The following USP8 variants were observed in gnomAD, a reference collection of about 807,000 sequenced individuals.
USP8 encodes the protein ubiquitin carboxyl-terminal hydrolase 8.
In USP8, 27 loss-of-function variants were observed where a neutral mutation model predicts 130.0. The observed-to-expected ratio is 0.21, with a 90% CI of 0.15 to 0.29. The LOEUF (loss-of-function observed/expected upper bound fraction) is 0.29. Ranked by LOEUF, USP8 falls within the 10% of genes least tolerant of loss-of-function variation. The probability of loss-of-function intolerance (pLI) is 1.00; values close to 1 mark genes in which losing one functional copy is unlikely to be tolerated. For synonymous variants in USP8, 392 were observed against 444.1 expected, an observed-to-expected ratio of 0.88 and a Z score of 1.48; for missense variants, 1,029 against 1,312.2, an observed-to-expected ratio of 0.78 and a Z score of 3.33.
chr15:50,424,874 G>C (rs140962862), intron 1 of USP8, among the ~76,000 whole-genome samples: 4 of 149,982 alleles, frequency 2.7e-5, no homozygotes, highest in African/African-American at 9.8e-5. Context: ...CCTTACTGTA[G>C]CTCCTAAAAC....
chr15:50,443,517 T>TTTTTTTAAAGACGGA lies in USP8; in HGVS notation c.249+2024_249+2025insTTTTTTAAAGACGGA. Among the ~76,000 whole-genome samples, 3 of 150,948 alleles carry TTTTTTTAAAGACGGA rather than the reference T, an allele frequency of 2.0e-5. No homozygotes were observed. In the South Asian group the frequency reaches 6.3e-4, roughly 32 times the overall value. On this transcript the variant is annotated intron_variant, in intron 3 of 19. Coordinates refer to ENST00000307179, the MANE Select transcript of USP8 (RefSeq NM_005154.5). ...TGTTTTTTTAAAGACGGAGTCTCAC[T>TTTTTTTAAAGACGGA]CTGTCGCCCAGACTGGAGTGCGGTA...
chr15:50,460,023 GTC>G (rs2050934239), intron 5 of USP8, among the ~76,000 whole-genome samples: 1 of 103,824 alleles, frequency 9.6e-6, no homozygotes, highest in African/African-American at 3.8e-5. Context: ...TTGAGACAGA[GTC>G]TCATTCTTGT....
chr15:50,456,817 T>C (rs1309233482), intron 4 of USP8, among the ~76,000 whole-genome samples: 1 of 152,036 alleles, frequency 6.6e-6, no homozygotes, highest in African/African-American at 2.4e-5. Flanking sequence ...ACCTGGAAGG[T>C]GGAGGTTGCA....
Position 50,441,365 on chromosome 15 carries a change from C to T in USP8, c.121C>T (p.Leu41=). The change falls in exon 3 of 20, where the codon CTG becomes TTG. Residue 41 remains leucine (L), a synonymous_variant. Coordinates refer to ENST00000307179, the MANE Select transcript of USP8 (RefSeq NM_005154.5). ...AATTTTAAGTTATGTGCACAGTGCCCTGAAGATCTTTAAGACAGCAGAAGA... is the reference window on the plus strand; with the variant it reads ...AATTTTAAGTTATGTGCACAGTGCCTTGAAGATCTTTAAGACAGCAGAAGA... The part of the protein sequence containing the change: ...ISTKSYVHSA[L]KIFKTAEECR... The T allele has an allele frequency of 1.9e-6, 3 of 1,597,246 alleles. No homozygotes were observed. Among genetic ancestry groups the T allele is most frequent in the Non-Finnish European group, 2.6e-6 (3 of 1,176,190 alleles).
At chr15:50,494,857 A>G (rs1199839580) in intron 16 of USP8, among the ~76,000 whole-genome samples, 1 of 152,166 alleles carries the variant, frequency 6.6e-6, no homozygotes, top group African/African-American at 2.4e-5. Flanking sequence ...TCTACTAAAA[A>G]TACAAAAATT....
rs371035489 is a variant in USP8 at position 50,488,595 on chromosome 15, C to T, written c.1891-1206C>T. ...TTTTTTTTTTTTGGAGATGGAGTCT[C>T]GCTCTGCCACCCAGGCGGGAGTGCA... On this transcript the variant is annotated intron_variant, in intron 12 of 19. Coordinates refer to ENST00000307179, the MANE Select transcript of USP8 (RefSeq NM_005154.5). Among the ~76,000 whole-genome samples the T allele has an allele frequency of 1.3e-4, 16 of 122,904 alleles. No homozygotes were observed. The East Asian group carries it at 2.8e-3, about 22-fold the overall frequency. The allele number at this position is 122,904 out of a possible 152,430, so 80.6% of individuals were successfully genotyped here.
chr15:50,477,206 G>A (rs989308076), intron 9 of USP8, 70 bp from the exon 10 acceptor site: 13 of 1,389,094 alleles, frequency 9.4e-6, no homozygotes, highest in East Asian at 4.8e-5. Flanking sequence ...GCATTAACAC[G>A]CATGAGAAAT....
At chr15:50,490,007 C>A in intron 13 of USP8, 126 bp downstream of exon 13, 1 of 899,686 alleles carries the variant, frequency 1.1e-6, no homozygotes, top group Non-Finnish European at 1.6e-6. Context: ...TAGCTTATTC[C>A]CCTAATTATA....
chr15:50,460,655 A>G (rs143060459), intron 5 of USP8, among the ~76,000 whole-genome samples: 2 of 152,102 alleles, frequency 1.3e-5, no homozygotes, highest in East Asian at 1.9e-4. Flanking sequence ...TGGTCTTTTC[A>G]GCTACATCAT....
intron 1 of USP8, among the ~76,000 whole-genome samples, chr15:50,433,894 T>C (rs147915713): frequency 0.027 from 4,085 of 152,324 alleles, 88 homozygotes; most frequent in Non-Finnish European, 0.037. Flanking sequence ...CGTGAGCCAC[T>C]GTGCACGGCT....
At chr15:50,476,401 A>C (rs554294487) in intron 8 of USP8, among the ~76,000 whole-genome samples, 2 of 152,184 alleles carry the variant, frequency 1.3e-5, no homozygotes, top group Admixed American at 1.3e-4. Flanking sequence ...TTGCATTCCA[A>C]CTTGGGTGAT....
intron 17 of USP8, 62 bp from the exon 18 acceptor site, chr15:50,497,027 G>A: frequency 6.5e-7 from 1 of 1,537,590 alleles, no homozygotes; most frequent in East Asian, 2.3e-5. Context: ...CTAAATAGGT[G>A]CTCTCTGACA....
At chr15:50,459,837 A>G (rs1301184891) in intron 5 of USP8, among the ~76,000 whole-genome samples, 2 of 152,098 alleles carry the variant, frequency 1.3e-5, no homozygotes, top group African/African-American at 4.8e-5. Context: ...GTCTTGAAAT[A>G]GACAATTTTT....
intron 8 of USP8, among the ~76,000 whole-genome samples, chr15:50,474,945 C>G (rs2051510515): frequency 6.6e-6 from 1 of 152,042 alleles, no homozygotes; most frequent in Non-Finnish European, 1.5e-5. Flanking sequence ...CCCATCTCTA[C>G]TAAAATTACA....
chr15:50,464,936 T>C lies in USP8; in HGVS notation c.542-111T>C, dbSNP rs187556214. 108 of 1,076,398 alleles carry C rather than the reference T, an allele frequency of 1.0e-4. No individual in the cohort carries two copies. The East Asian group carries it at 2.7e-3, about 27-fold the overall frequency. The allele number at this position is 1,076,398 out of a possible 1,614,324, so 66.7% of individuals were successfully genotyped here. On this transcript the variant is annotated intron_variant, in intron 6 of 19. Transcript: ENST00000307179. ...GAGTAGTAAATATGTGGCATCCATA[T>C]ATATTCAGTATACTTTGCTCTTCTA... is the stretch of plus-strand genomic sequence containing the variant.
chr15:50,436,799 A>G (rs138890130), intron 1 of USP8, among the ~76,000 whole-genome samples: 4,994 of 152,172 alleles, frequency 0.033, 115 homozygotes, highest in African/African-American at 0.049. Flanking sequence ...CCTCCCAAGT[A>G]GCTGGGATTA....
At chr15:50,483,085 A>G (rs2051834026) in intron 11 of USP8, among the ~76,000 whole-genome samples, 1 of 152,258 alleles carries the variant, frequency 6.6e-6, no homozygotes, top group Non-Finnish European at 1.5e-5. Flanking sequence ...ATACAATTTA[A>G]GTATTATTCA....
intron 15 of USP8, 81 bp from the exon 16 acceptor site, chr15:50,493,989 G>C (rs1276905696): frequency 1.0e-5 from 15 of 1,462,178 alleles, no homozygotes; most frequent in Non-Finnish European, 1.4e-5. Flanking sequence ...ATAATTTCAT[G>C]TTGACATCAA....
chr15:50,438,753 T>C lies in USP8; in HGVS notation c.-65-256T>C, dbSNP rs570288459. Among the ~76,000 whole-genome samples the C allele has an allele frequency of 5.3e-5, 8 of 152,338 alleles. No individual in the cohort carries two copies. The South Asian group carries it at 1.2e-3, about 24-fold the overall frequency. On this transcript the variant is annotated intron_variant, in intron 1 of 19. Transcript: ENST00000307179. ...TTTGATTATTCTTACTGCTAGTTCC[T>C]TTGACAGGTAAGATTCCCAACTCTT...
Sources: gnomAD v4.1 joint callset for allele counts (sites outside exome capture counted in the v4.1 genomes callset) on GRCh38, gnomAD v4.1.1 for gene constraint, MANE v1.5 for transcripts, NCBI Gene and HGNC (gene_info 2026-07-23, HGNC 2026-07-21) for gene names.